Variants in ERC2 observed in about 807,000 individuals in gnomAD.
The protein encoded by ERC2 is ERC protein 2.
Under a neutral mutation model 114.8 loss-of-function variants are expected in ERC2, and 42 were observed. That is an observed-to-expected ratio of 0.37 (90% CI 0.29 to 0.47). ERC2 has a LOEUF of 0.47. ERC2 is among the 20% of genes least tolerant of loss of function. ERC2 has a pLI of 0.99. For missense variants in ERC2, 939 were observed against 1,150.7 expected, an observed-to-expected ratio of 0.82 and a Z score of 2.66; for synonymous variants, 454 against 425.5, an observed-to-expected ratio of 1.07 and a Z score of -0.82.
chr3:56,255,655 A>G (rs1480420510), intron 3 of ERC2, among the ~76,000 whole-genome samples: 2 of 152,178 alleles, frequency 1.3e-5, no homozygotes, highest in Non-Finnish European at 2.9e-5. Context: ...ACCTGGAATG[A>G]GGCAGAGTGC....
chr3:56,309,049 T>C (rs1382976015), intron 2 of ERC2, among the ~76,000 whole-genome samples: 2 of 152,178 alleles, frequency 1.3e-5, no homozygotes, highest in Non-Finnish European at 2.9e-5. Context: ...GTGTCATGTG[T>C]GTGAAAAGAC....
chr3:55,952,664 C>A (rs573818694), intron 12 of ERC2, among the ~76,000 whole-genome samples: 4 of 152,110 alleles, frequency 2.6e-5, no homozygotes, highest in Non-Finnish European at 5.9e-5. Flanking sequence ...AATCTTATTA[C>A]TTTAGAATAC....
chr3:55,527,226 A>C (rs1274120685), intron 17 of ERC2, among the ~76,000 whole-genome samples: 3 of 152,202 alleles, frequency 2.0e-5, no homozygotes, highest in Non-Finnish European at 2.9e-5. Flanking sequence ...CTGGGCCTCC[A>C]CTGCCCCATC....
intron 6 of ERC2, among the ~76,000 whole-genome samples, chr3:56,108,824 G>A (rs900092930): frequency 6.6e-5 from 10 of 152,096 alleles, no homozygotes; most frequent in Admixed American, 5.2e-4. Context: ...AAGTAGGAGA[G>A]CCTGCTGTAG....
chr3:56,343,190 T>TCACACACACACACACACACACA (rs1181595660), intron 2 of ERC2, among the ~76,000 whole-genome samples: 29 of 109,980 alleles, frequency 2.6e-4, no homozygotes, highest in African/African-American at 4.8e-4. Flanking sequence ...TCTCTCTCTC[T>TCACACACACACACACACACACA]CTCACACACA....
At chr3:56,376,689 G>A (rs189801023) in intron 2 of ERC2, among the ~76,000 whole-genome samples, 5 of 152,054 alleles carry the variant, frequency 3.3e-5, no homozygotes, top group African/African-American at 1.2e-4. Flanking sequence ...CTTGAATCCG[G>A]GAGGCGGAGG....
At chr3:55,883,224 A>T (rs1272439972) in intron 14 of ERC2, among the ~76,000 whole-genome samples, 2 of 152,226 alleles carry the variant, frequency 1.3e-5, no homozygotes, top group African/African-American at 4.8e-5. Flanking sequence ...ATTCCACTGT[A>T]AATAAAATCA....
In ERC2 at chr3:55,510,674, C is replaced by A. The variant is rs2107119148; in HGVS notation, c.*642G>T. On this transcript the variant is annotated 3_prime_UTR_variant, in exon 18 of 18. Transcript: ENST00000288221. ...GTTACACCCTCAAAATGCGGTTCTT[C>A]AAACAACAGATTAAAGAAATAGAGG... 6.5e-6 allele frequency: 1 copy of A among 152,702 alleles called. No homozygotes were observed. Among genetic ancestry groups the A allele is most frequent in the East Asian group, 1.9e-4 (1 of 5,186 alleles). 9.5% of individuals were successfully genotyped at this position (152,702 alleles called of 1,614,324 possible). A position where few individuals can be genotyped will look rare whatever the true frequency, so the allele number is the denominator to read the frequency against.
intron 2 of ERC2, among the ~76,000 whole-genome samples, chr3:56,325,922 G>A (rs1209722383): frequency 6.8e-6 from 1 of 147,916 alleles, no homozygotes; most frequent in Non-Finnish European, 1.5e-5. Context: ...GTAGGAAACA[G>A]AATGAATGAA....
At chr3:56,000,270 T>C (rs115271184) in intron 10 of ERC2, among the ~76,000 whole-genome samples, 1,753 of 152,126 alleles carry the variant, frequency 0.012, 23 homozygotes, top group Middle Eastern at 0.034. Context: ...ATTTTAAATA[T>C]AGGTAAGTGA....
intron 3 of ERC2, among the ~76,000 whole-genome samples, chr3:56,228,619 T>C (rs932329197): frequency 6.6e-6 from 1 of 152,232 alleles, no homozygotes; most frequent in Non-Finnish European, 1.5e-5. Flanking sequence ...CATGCCTCAG[T>C]TGCATCTACC....
intron 10 of ERC2, among the ~76,000 whole-genome samples, chr3:56,006,798 C>T (rs1160048684): frequency 6.6e-6 from 1 of 152,056 alleles, no homozygotes; most frequent in African/African-American, 2.4e-5. Flanking sequence ...AAATGACCTA[C>T]ATCTGAAAGT....
rs1158735607 is a variant in ERC2, at chr3:56,396,298, C to T, written c.657+38053G>A. Among the ~76,000 whole-genome samples, 5 of 152,132 alleles carry T rather than the reference C, an allele frequency of 3.3e-5. No homozygotes were observed. In the East Asian group the frequency reaches 7.7e-4, roughly 23 times the overall value. ...ATAAAAGATTGGTTAAATAAAAATA[C>T]AGTTTGTCCACTCAATAGAATATCT... On this transcript the variant is annotated intron_variant, in intron 2 of 17. Transcript: ENST00000288221.
At chr3:56,177,007 G>C (rs536579226) in intron 3 of ERC2, among the ~76,000 whole-genome samples, 1 of 152,284 alleles carries the variant, frequency 6.6e-6, no homozygotes, top group East Asian at 1.9e-4. Context: ...TATCCAAGAA[G>C]ATGGTGTAGC....
chr3:55,986,023 G>A (rs1181760966), intron 11 of ERC2, 35 bp from the exon 12 acceptor site: 1 of 1,536,342 alleles, frequency 6.5e-7, no homozygotes, highest in Admixed American at 2.0e-5. Context: ...GCAATTTGGA[G>A]GATAAGCAGA....
rs112443931 is a variant in ERC2 at position 56,183,207 on chromosome 3, C to T, written c.1075-9687G>A. 2.8e-3 allele frequency among the ~76,000 whole-genome samples: 433 copies of T among 152,280 alleles called. 2 individuals carry two copies. Among genetic ancestry groups the T allele is most frequent in the African/African-American group, 9.7e-3 (405 of 41,550 alleles). On this transcript the variant is annotated intron_variant, in intron 3 of 17. Transcript: ENST00000288221. ...ATTCCAAAAGGCAAAAGTTAATATA[C>T]AGGCTACATTCTTTGTCCATACACA... is the stretch of plus-strand genomic sequence containing the variant.
intron 16 of ERC2, among the ~76,000 whole-genome samples, chr3:55,694,920 C>T (rs1488774797): frequency 6.6e-6 from 1 of 152,160 alleles, no homozygotes; most frequent in African/African-American, 2.4e-5. Context: ...CATGCTGATG[C>T]TGTGCTTTTC....
At chr3:56,158,706 C>G (rs1409086446) in intron 4 of ERC2, among the ~76,000 whole-genome samples, 1 of 151,678 alleles carries the variant, frequency 6.6e-6, no homozygotes, top group Admixed American at 6.6e-5. Context: ...ACCTTCTCCT[C>G]TTTGGAACCT....
chr3:55,790,287 T>C (rs865832399), intron 14 of ERC2, among the ~76,000 whole-genome samples: 14 of 152,142 alleles, frequency 9.2e-5, no homozygotes, highest in African/African-American at 3.4e-4. Context: ...TACTTCTGCT[T>C]CCTTGCAGGT....
Sources: gnomAD v4.1 joint callset for allele counts (sites outside exome capture counted in the v4.1 genomes callset) on GRCh38, gnomAD v4.1.1 for gene constraint, MANE v1.5 for transcripts, NCBI Gene and HGNC (gene_info 2026-07-23, HGNC 2026-07-21) for gene names.